TECTA: variants seen among roughly 807,000 people sequenced by gnomAD.
TECTA encodes tectorin alpha.
Under a neutral mutation model 216.8 loss-of-function variants are expected in TECTA, and 128 were observed. The ratio of observed to expected loss-of-function variants is 0.59; its 90% CI spans 0.51 to 0.68. The LOEUF (loss-of-function observed/expected upper bound fraction) is 0.68. Among genes scored for constraint, TECTA ranks in the 30% least tolerant of loss-of-function variants. TECTA has a pLI of 0.00. For missense variants in TECTA, 2,551 were observed against 2,786.2 expected, an observed-to-expected ratio of 0.92 and a Z score of 1.90; for synonymous variants, 1,089 against 1,117.1, an observed-to-expected ratio of 0.97 and a Z score of 0.50.
intron 3 of TECTA, among the ~76,000 whole-genome samples, chr11:121,108,544 A>C (rs1418020651): frequency 6.7e-6 from 1 of 148,674 alleles, no homozygotes; most frequent in Non-Finnish European, 1.5e-5. Context: ...ACACACACAC[A>C]TACACACCAC....
chr11:121,148,307 C>T (rs1016254020), intron 12 of TECTA, among the ~76,000 whole-genome samples: 1 of 152,206 alleles, frequency 6.6e-6, no homozygotes, highest in African/African-American at 2.4e-5. Context: ...TAGACCTTCC[C>T]TACCGTGGCA....
intron 16 of TECTA, among the ~76,000 whole-genome samples, chr11:121,163,519 C>T (rs677775): frequency 0.41 from 62,429 of 151,144 alleles, 14,042 homozygotes; most frequent in African/African-American, 0.59. Context: ...TTAATGGGTG[C>T]AGCACACCAG....
At position 121,113,227 on chromosome 11, in the gene TECTA, T is replaced by TC. The variant is rs1454190808; in HGVS notation, c.624+19dup. 6.2e-7 allele frequency: 1 copy of TC among 1,613,728 alleles called. No homozygotes were observed. Among genetic ancestry groups the TC allele is most frequent in the African/African-American group, 1.3e-5 (1 of 74,896 alleles). On this transcript the variant is annotated intron_variant, in intron 5 of 23. Coordinates refer to ENST00000392793, the MANE Select transcript of TECTA (RefSeq NM_005422.4). This position sits in a 1 kb window ranked among gnomAD's most constrained non-coding sequence, Gnocchi z 4.2. ...TGGCACAGGTAGGTGGCTCTCCACT[T>TC]CATCCCCCGCGTGTTTCCGTCGCTG... is the stretch of plus-strand genomic sequence containing the variant.
chr11:121,132,331 C>G (rs1175072080), intron 10 of TECTA, among the ~76,000 whole-genome samples: 1 of 152,210 alleles, frequency 6.6e-6, no homozygotes, highest in African/African-American at 2.4e-5. Context: ...GGAGTCCCCT[C>G]CAGCAATGGT....
intron 20 of TECTA, among the ~76,000 whole-genome samples, chr11:121,182,117 G>C (rs1245739637): frequency 6.6e-6 from 1 of 152,106 alleles, no homozygotes; most frequent in Non-Finnish European, 1.5e-5. Context: ...CAGTGGTGGT[G>C]ATAGCAGGCT....
In TECTA at chr11:121,127,666, A is replaced by G. The variant is rs548181048; in HGVS notation, c.1775-86A>G. 39 of 1,488,104 alleles carry G rather than the reference A, an allele frequency of 2.6e-5. No individual in the cohort carries two copies. The East Asian group carries it at 8.1e-4, about 31-fold the overall frequency. The allele number at this position is 1,488,104 out of a possible 1,614,324, so 92.2% of individuals were successfully genotyped here. On this transcript the variant is annotated intron_variant, in intron 8 of 23. Transcript: ENST00000392793. This position sits in a 1 kb window ranked among gnomAD's most constrained non-coding sequence, Gnocchi z 5.0. ...TGACCCTCACTCTAGGAACTAAATGATCCAGGAGGAGCGTTAAGATTCTGG... is the reference window on the plus strand; with the variant it reads ...TGACCCTCACTCTAGGAACTAAATGGTCCAGGAGGAGCGTTAAGATTCTGG...
Position 121,113,531 on chromosome 11 carries a change from T to A in TECTA, c.625-22T>A, listed in dbSNP as rs780894879. The A allele has an allele frequency of 6.2e-7, 1 of 1,614,046 alleles. No homozygotes were observed. Among genetic ancestry groups the A allele is most frequent in the East Asian group, 2.2e-5 (1 of 44,886 alleles). ...TGGGGAATTTTTGTACTCAAAAATC[T>A]TGTCTTCCTTTTGTGCTGCAGGCAG... On this transcript the variant is annotated intron_variant, in intron 5 of 23. Transcript: ENST00000392793. This position sits in a 1 kb window ranked among gnomAD's most constrained non-coding sequence, Gnocchi z 4.2.
In TECTA at chr11:121,129,629, A is replaced by AT. The variant is rs1946650433; in HGVS notation, c.2368-4dup. The AT allele has an allele frequency of 1.9e-6, 3 of 1,613,932 alleles. No individual in the cohort carries two copies. Among genetic ancestry groups the AT allele is most frequent in the Non-Finnish European group, 2.5e-6 (3 of 1,179,902 alleles). On this transcript the variant is annotated splice_polypyrimidine_tract_variant and intron_variant, in intron 9 of 23. Transcript: ENST00000392793. ...CTCTGGAATTGATAAGAATGACTTGATTTTTCAGTTGAATGGTCAGGAAGT... is the reference window on the plus strand; with the variant it reads ...CTCTGGAATTGATAAGAATGACTTGATTTTTTCAGTTGAATGGTCAGGAAGT...
chr11:121,115,472 G>C (rs1285677035), intron 6 of TECTA, among the ~76,000 whole-genome samples: 1 of 152,174 alleles, frequency 6.6e-6, no homozygotes, highest in South Asian at 2.1e-4. Context: ...CTTGTGTAGG[G>C]TACTGTGGAA....
intron 12 of TECTA, chr11:121,146,390 A>C: frequency 2.0e-6 from 1 of 510,718 alleles, no homozygotes. Context: ...AGTATCACAC[A>C]TGGCACTTGG....
At position 121,162,332 on chromosome 11, in the gene TECTA, G is replaced by T; in HGVS notation, c.5234G>T (p.Gly1745Val). ...TACGGGGAGGCCTGCCGCTCCTTCG[G>T]GATCCTTAGCACCGAGTGGATTGAG... Reference protein sequence around the residue: ...AAYGEACRSFGILSTEWIEKE... With the variant: ...AAYGEACRSFVILSTEWIEKE... Residue 1745 changes from glycine (G) to valine (V), a missense_variant, in exon 16 of 24, where the codon GGG (glycine) becomes GTG (valine). Physicochemically the swap from Gly to Val is moderately radical, Grantham distance 109 (BLOSUM62 -3). Transcript: ENST00000392793. The T allele has an allele frequency of 6.2e-7, 1 of 1,613,648 alleles. No homozygotes were observed. The highest frequency in any genetic ancestry group is 8.5e-7 in the Non-Finnish European group (1 of 1,180,034).
In TECTA at chr11:121,102,740, C is replaced by G. The variant is rs1382758410; in HGVS notation, c.64+11C>G. The G allele has an allele frequency of 5.6e-6, 9 of 1,610,926 alleles. No homozygotes were observed. The East Asian group carries it at 1.8e-4, about 32-fold the overall frequency. ...TTGTACAGCACCAAGGTGAGTACTA[C>G]AGAATTCCATAAAGCTCTCAGTTAG... On this transcript the variant is annotated intron_variant, in intron 2 of 23. Coordinates refer to ENST00000392793, the MANE Select transcript of TECTA (RefSeq NM_005422.4).
At chr11:121,169,574 C>T (rs1947090765) in intron 20 of TECTA, among the ~76,000 whole-genome samples, 1 of 152,130 alleles carries the variant, frequency 6.6e-6, no homozygotes, top group Admixed American at 6.5e-5. Context: ...ATTTTAACAG[C>T]TTTATTGCAA....
Position 121,129,836 on chromosome 11 carries a change from G to T in TECTA, c.2566G>T (p.Ala856Ser), listed in dbSNP as rs145413004. 1.9e-5 allele frequency: 31 copies of T among 1,614,164 alleles called. No homozygotes were observed. Among genetic ancestry groups the T allele is most frequent in the Middle Eastern group, 1.6e-4 (1 of 6,062 alleles). The change falls in exon 10 of 24, where the codon GCC (alanine) becomes TCC (serine). Residue 856 changes from alanine to serine, a missense_variant. Physicochemically the swap from Ala to Ser is moderately conservative, Grantham distance 99. This residue lies in a region of TECTA where 2,375 missense variants were observed against 2,563.9 expected (regional missense o/e 0.93). Transcript: ENST00000392793. ...GGLCGFYNAN[A>S]SDEFCLPNGK... The stretch of plus-strand genomic sequence containing the variant: ...CTTGTGCGGCTTCTACAATGCCAAC[G>T]CCAGTGACGAGTTCTGTCTCCCCAA...
At chr11:121,102,032 G>A (rs1047915525) in intron 1 of TECTA, among the ~76,000 whole-genome samples, 1 of 152,166 alleles carries the variant, frequency 6.6e-6, no homozygotes. Context: ...CTCTGGATTG[G>A]TCCTTTTTTA....
chr11:121,153,399 G>A (rs560052904), intron 13 of TECTA, among the ~76,000 whole-genome samples: 2 of 152,298 alleles, frequency 1.3e-5, no homozygotes, highest in Admixed American at 1.3e-4. Context: ...TTTCTGTCCT[G>A]TGAATCTCAG....
chr11:121,120,938 G>A (rs1224942965), intron 7 of TECTA, among the ~76,000 whole-genome samples: 2 of 152,172 alleles, frequency 1.3e-5, no homozygotes, highest in Non-Finnish European at 2.9e-5. Context: ...TTTGAGCTTC[G>A]TTTTCTTTGT....
At chr11:121,153,182 A>T (rs1456929104) in intron 13 of TECTA, 102 bp downstream of exon 13, 13 of 1,384,056 alleles carry the variant, frequency 9.4e-6, no homozygotes, top group Non-Finnish European at 1.3e-5. Context: ...CTTCATTATG[A>T]AGAGCGTCGT....
intron 13 of TECTA, among the ~76,000 whole-genome samples, chr11:121,154,062 C>G (rs957524093): frequency 2.0e-5 from 3 of 152,096 alleles, no homozygotes; most frequent in African/African-American, 4.8e-5. Context: ...CTTTAAAGAA[C>G]AAGAGATCAG....
Sources: allele counts gnomAD v4.1 joint callset (sites outside exome capture counted in the v4.1 genomes callset), GRCh38; gene constraint gnomAD v4.1.1; regional missense constraint gnomAD v4.1.1; non-coding constraint Gnocchi (gnomAD v3.1); transcripts MANE v1.5; gene names NCBI Gene and HGNC (gene_info 2026-07-23, HGNC 2026-07-21).